MYO3A: variants seen among roughly 807,000 people sequenced by gnomAD.
MYO3A encodes myosin IIIA, also known as myosin-IIIa.
Under a neutral mutation model 192.7 loss-of-function variants are expected in MYO3A, and 180 were observed. The ratio of observed to expected loss-of-function variants is 0.93; its 90% CI spans 0.83 to 1.06. MYO3A has a LOEUF of 1.06. Among genes scored for constraint, MYO3A ranks in the 50% least tolerant of loss-of-function variants. The pLI is 0.00. For synonymous variants in MYO3A, 628 were observed against 645.3 expected, an observed-to-expected ratio of 0.97 and a Z score of 0.41; for missense variants, 1,896 against 1,905.0, an observed-to-expected ratio of 1.00 and a Z score of 0.09.
intron 7 of MYO3A, among the ~76,000 whole-genome samples, chr10:26,018,338 A>C (rs11014913): frequency 0.61 from 92,339 of 151,798 alleles, 28,319 homozygotes; most frequent in Middle Eastern, 0.74. Flanking sequence ...TATTTTCTAA[A>C]CTTGAAGAAC....
At chr10:26,086,915 T>C (rs1472163320) in intron 14 of MYO3A, among the ~76,000 whole-genome samples, 1 of 152,232 alleles carries the variant, frequency 6.6e-6, no homozygotes, top group African/African-American at 2.4e-5. Flanking sequence ...AATGTGGTTC[T>C]GTAGATGTCA....
chr10:25,934,782 A>T (rs1244965325), intron 1 of MYO3A, among the ~76,000 whole-genome samples: 1 of 146,358 alleles, frequency 6.8e-6, no homozygotes, highest in African/African-American at 2.6e-5. Context: ...GATCTCGAGG[A>T]GGGAACGTGA....
intron 4 of MYO3A, among the ~76,000 whole-genome samples, chr10:25,958,917 T>G (rs1443731104): frequency 6.6e-6 from 1 of 152,160 alleles, no homozygotes; most frequent in Non-Finnish European, 1.5e-5. Flanking sequence ...GGTATTTTAT[T>G]CATTTTGTGG....
chr10:26,059,804 C>T (rs368842591), intron 10 of MYO3A, among the ~76,000 whole-genome samples: 9 of 152,318 alleles, frequency 5.9e-5, no homozygotes, highest in African/African-American at 1.9e-4. Flanking sequence ...AATGCTTGCA[C>T]GTGGCAGGGT....
At chr10:26,037,913 G>T (rs1843126392) in intron 10 of MYO3A, among the ~76,000 whole-genome samples, 1 of 152,196 alleles carries the variant, frequency 6.6e-6, no homozygotes, top group South Asian at 2.1e-4. Context: ...ACCTCCCACA[G>T]GGTCCCTCCC....
intron 2 of MYO3A, among the ~76,000 whole-genome samples, chr10:25,936,708 T>C (rs1836091885): frequency 6.6e-6 from 1 of 152,222 alleles, no homozygotes; most frequent in South Asian, 2.1e-4. Context: ...CATCTATCAT[T>C]GGACACGTAA....
Position 26,050,570 on chromosome 10 carries a change from C to T in MYO3A, c.954-16405C>T, listed in dbSNP as rs76627323. On this transcript the variant is annotated intron_variant, in intron 10 of 34. Transcript: ENST00000642920. ...TGCTTTTACTTGTCTCTAAGCTAAG[C>T]GTGGAGTGAAGAAAGATGTCAGGAA... 3.7e-3 allele frequency among the ~76,000 whole-genome samples: 558 copies of T among 152,236 alleles called. 4 individuals are homozygous for T. The highest frequency in any genetic ancestry group is 7.9e-3 in the South Asian group (38 of 4,822).
At chr10:26,138,611 A>G (rs555960396) in intron 20 of MYO3A, among the ~76,000 whole-genome samples, 1 of 152,316 alleles carries the variant, frequency 6.6e-6, no homozygotes, top group South Asian at 2.1e-4. Context: ...GACTCATATT[A>G]TTGAAAGGCA....
chr10:26,160,722 A>G (rs1276406091), intron 26 of MYO3A, among the ~76,000 whole-genome samples: 1 of 152,184 alleles, frequency 6.6e-6, no homozygotes, highest in East Asian at 1.9e-4. Context: ...TATGGAGAAA[A>G]CAGGAGTTTT....
At position 25,992,207 on chromosome 10, in the gene MYO3A, T is replaced by A. The variant is rs1381968830; in HGVS notation, c.304-4283T>A. On this transcript the variant is annotated intron_variant, in intron 4 of 34. Coordinates refer to ENST00000642920, the MANE Select transcript of MYO3A (RefSeq NM_017433.5). ...TGTTTCACTGAGCAGTGGTTTGTAG[T>A]TCTCCTTGAAGAGGTCCTTCACATC... Among the ~76,000 whole-genome samples the A allele has an allele frequency of 2.0e-5, 3 of 152,334 alleles. No individual in the cohort carries two copies. The South Asian group carries it at 6.2e-4, about 32-fold the overall frequency.
chr10:26,026,598 T>C, intron 10 of MYO3A, 66 bp downstream of exon 10: 2 of 1,580,434 alleles, frequency 1.3e-6, no homozygotes, highest in Admixed American at 3.4e-5. Context: ...AGTTTAACAA[T>C]GTATTAGTTT....
intron 32 of MYO3A, among the ~76,000 whole-genome samples, chr10:26,195,003 A>G (rs1237884728): frequency 6.6e-6 from 1 of 152,180 alleles, no homozygotes. Flanking sequence ...AATATACGTT[A>G]AATGGTTTTT....
chr10:26,007,532 A>C (rs955622346), intron 6 of MYO3A, among the ~76,000 whole-genome samples: 4 of 152,162 alleles, frequency 2.6e-5, no homozygotes, highest in Admixed American at 2.6e-4. Flanking sequence ...ACTTCAGCAA[A>C]GTCTCAGGAT....
chr10:26,176,071 G>A (rs2132049259), intron 30 of MYO3A, among the ~76,000 whole-genome samples: 1 of 152,268 alleles, frequency 6.6e-6, no homozygotes, highest in South Asian at 2.1e-4. Context: ...GAGGCGGGCG[G>A]ATCACGAGGT....
intron 14 of MYO3A, among the ~76,000 whole-genome samples, chr10:26,075,180 G>T (rs1041679191): frequency 1.3e-5 from 2 of 151,778 alleles, no homozygotes; most frequent in Non-Finnish European, 2.9e-5. Flanking sequence ...AGTAATGATG[G>T]CTCTAAATTT....
chr10:26,189,282 C>T (rs1302328428), intron 31 of MYO3A, among the ~76,000 whole-genome samples: 2 of 152,176 alleles, frequency 1.3e-5, no homozygotes, highest in Non-Finnish European at 2.9e-5. Flanking sequence ...TTAATTACCT[C>T]GCTAAAGACC....
At chr10:26,050,170 G>C (rs955163971) in intron 10 of MYO3A, among the ~76,000 whole-genome samples, 1 of 151,030 alleles carries the variant, frequency 6.6e-6, no homozygotes, top group South Asian at 2.1e-4. Context: ...AACAGATTTT[G>C]TTCTTTTGCC....
rs542619676 is a variant in MYO3A at position 26,108,608 on chromosome 10, T to A, written c.1776+11926T>A. ...GAAGACTATCAGCAATAACTTTAGTTCCATGATCATCTGCTTGCCAAAAGT... is the reference window on the plus strand; with the variant it reads ...GAAGACTATCAGCAATAACTTTAGTACCATGATCATCTGCTTGCCAAAAGT... On this transcript the variant is annotated intron_variant, in intron 17 of 34. Coordinates refer to ENST00000642920, the MANE Select transcript of MYO3A (RefSeq NM_017433.5). Among the ~76,000 whole-genome samples the A allele has an allele frequency of 3.9e-5, 6 of 152,318 alleles. No homozygotes were observed. In the South Asian group the frequency reaches 1.2e-3, roughly 32 times the overall value.
chr10:26,140,272 G>A (rs1840072942), intron 20 of MYO3A, among the ~76,000 whole-genome samples: 1 of 152,192 alleles, frequency 6.6e-6, no homozygotes, highest in East Asian at 1.9e-4. Flanking sequence ...TAATCATCTT[G>A]AATCTCTCCT....
Sources: allele counts gnomAD v4.1 joint callset (sites outside exome capture counted in the v4.1 genomes callset), GRCh38; gene constraint gnomAD v4.1.1; transcripts MANE v1.5; gene names NCBI Gene and HGNC (gene_info 2026-07-23, HGNC 2026-07-21).